Variants in CSMD3 observed in about 807,000 individuals in gnomAD.
The protein encoded by CSMD3 is CUB and Sushi multiple domains 3.
In CSMD3, 177 loss-of-function variants were observed where a neutral mutation model predicts 435.2. The ratio of observed to expected loss-of-function variants is 0.41; its 90% CI spans 0.36 to 0.46. CSMD3 has a LOEUF of 0.46. CSMD3 is among the 20% of genes least tolerant of loss of function. CSMD3 has a pLI of 0.34. For missense variants in CSMD3, 4,265 were observed against 4,504.6 expected (o/e 0.95, Z 1.52); for synonymous variants, 1,656 against 1,520.5 (o/e 1.09, Z -2.07).
rs1258489181 is a variant in CSMD3, at chr8:112,740,306, T to A, written c.1973-50256A>T. On this transcript the variant is annotated intron_variant, in intron 13 of 70. Coordinates refer to ENST00000297405, the MANE Select transcript of CSMD3 (RefSeq NM_198123.2). ...TTACAACCTCTTGGCCATGTTTTGA[T>A]GAAGACCTAAAAATAATAAAAAATA... Among the ~76,000 whole-genome samples the A allele has an allele frequency of 1.3e-5, 2 of 151,840 alleles. 1 individual carries two copies. The highest frequency in any genetic ancestry group is 4.8e-5 in the African/African-American group (2 of 41,404).
At chr8:112,967,165 A>T (rs573641139) in intron 7 of CSMD3, among the ~76,000 whole-genome samples, 1 of 106,584 alleles carries the variant, frequency 9.4e-6, no homozygotes, top group South Asian at 3.5e-4. Context: ...GTACTATAAG[A>T]CCTATACTCC....
chr8:112,589,650 G>A (rs574523167), intron 22 of CSMD3, among the ~76,000 whole-genome samples: 2 of 152,206 alleles, frequency 1.3e-5, no homozygotes, highest in African/African-American at 2.4e-5. Context: ...ATAAGTGTTG[G>A]CAAACTGTGA....
At chr8:113,291,314 T>G (rs2093684861) in intron 2 of CSMD3, among the ~76,000 whole-genome samples, 1 of 151,768 alleles carries the variant, frequency 6.6e-6, no homozygotes, top group East Asian at 1.9e-4. Flanking sequence ...TAAAACAGAG[T>G]GATTAGATTA....
intron 31 of CSMD3, among the ~76,000 whole-genome samples, chr8:112,478,461 A>T (rs1819289361): frequency 6.6e-6 from 1 of 152,196 alleles, no homozygotes; most frequent in South Asian, 2.1e-4. Flanking sequence ...AGTCATTGGG[A>T]ATTGGAGCAA....
In CSMD3 at chr8:113,350,185, G is replaced by A. The variant is rs551673440; in HGVS notation, c.179-35392C>T. Among the ~76,000 whole-genome samples, 28 of 152,108 alleles carry A rather than the reference G, an allele frequency of 1.8e-4. No homozygotes were observed. In the South Asian group the frequency reaches 5.6e-3, roughly 30 times the overall value. On this transcript the variant is annotated intron_variant, in intron 1 of 70. Coordinates refer to ENST00000297405, the MANE Select transcript of CSMD3 (RefSeq NM_198123.2). ...GAGTGACCCCCGACAACATCATACGGAGGAGAAGATCCACCCAGCTAAGCC... is the reference window on the plus strand; with the variant it reads ...GAGTGACCCCCGACAACATCATACGAAGGAGAAGATCCACCCAGCTAAGCC...
chr8:113,239,022 T>C (rs925723656), intron 3 of CSMD3, among the ~76,000 whole-genome samples: 3 of 152,150 alleles, frequency 2.0e-5, no homozygotes, highest in African/African-American at 7.2e-5. Context: ...CCTCATCCAA[T>C]CTGTTGAACA....
intron 16 of CSMD3, among the ~76,000 whole-genome samples, chr8:112,677,932 C>T (rs57897007): frequency 0.15 from 23,171 of 152,002 alleles, 2,053 homozygotes; most frequent in Middle Eastern, 0.32. Context: ...TTGATTGTGG[C>T]TCTTTTCTAA....
chr8:113,090,436 T>C (rs2089965023), intron 5 of CSMD3, among the ~76,000 whole-genome samples: 3 of 152,174 alleles, frequency 2.0e-5, no homozygotes, highest in Admixed American at 6.6e-5. Flanking sequence ...ATAAGATAAG[T>C]TCTCAATTAT....
intron 4 of CSMD3, among the ~76,000 whole-genome samples, chr8:113,153,130 A>AGAGAGAAAGAAG (rs2091858997): frequency 2.1e-4 from 17 of 82,766 alleles, no homozygotes; most frequent in Admixed American, 6.6e-4. Context: ...AGAAAGAGAA[A>AGAGAGAAAGAAG]GAAGGAAGGA....
chr8:113,048,071 G>A (rs1326262392), intron 5 of CSMD3, among the ~76,000 whole-genome samples: 1 of 147,408 alleles, frequency 6.8e-6, no homozygotes, highest in African/African-American at 2.5e-5. Context: ...ATAGTTTGAT[G>A]TAACTTCAAT....
intron 3 of CSMD3, among the ~76,000 whole-genome samples, chr8:113,277,511 A>G (rs950874117): frequency 5.9e-5 from 9 of 151,998 alleles, no homozygotes; most frequent in Admixed American, 2.6e-4. Flanking sequence ...AGTTTAAGAC[A>G]TTCCCTTACA....
At chr8:113,000,113 T>C (rs1240263913) in intron 6 of CSMD3, among the ~76,000 whole-genome samples, 1 of 151,640 alleles carries the variant, frequency 6.6e-6, no homozygotes, top group African/African-American at 2.4e-5. Flanking sequence ...GAGGAGAAAA[T>C]GACAAAGGAG....
intron 28 of CSMD3, among the ~76,000 whole-genome samples, chr8:112,513,420 G>T (rs1451079106): frequency 6.6e-6 from 1 of 152,192 alleles, no homozygotes; most frequent in African/African-American, 2.4e-5. Flanking sequence ...TGGAGGAACA[G>T]TCAGTTAGGG....
chr8:113,197,685 T>C (rs2092673600), intron 3 of CSMD3, among the ~76,000 whole-genome samples: 1 of 151,298 alleles, frequency 6.6e-6, no homozygotes, highest in African/African-American at 2.4e-5. Context: ...AGCTTTTCTA[T>C]AGAAAATACA....
intron 6 of CSMD3, among the ~76,000 whole-genome samples, chr8:113,017,116 C>T (rs1169006096): frequency 6.6e-6 from 1 of 151,934 alleles, no homozygotes; most frequent in Non-Finnish European, 1.5e-5. Flanking sequence ...AATCCCATCC[C>T]TCTTTTGAGT....
intron 10 of CSMD3, among the ~76,000 whole-genome samples, chr8:112,915,656 T>G (rs543835846): frequency 7.4e-4 from 112 of 151,894 alleles, no homozygotes; most frequent in African/African-American, 2.7e-3. Flanking sequence ...AAAGGTAGAT[T>G]TTAATGGTAA....
At chr8:112,907,177 G>T (rs1229653110) in intron 10 of CSMD3, among the ~76,000 whole-genome samples, 1 of 151,438 alleles carries the variant, frequency 6.6e-6, no homozygotes, top group Admixed American at 6.6e-5. Flanking sequence ...TTAGGGTTTA[G>T]GTGGCACAGA....
At position 113,123,678 on chromosome 8, in the gene CSMD3, G is replaced by C. The variant is rs574156861; in HGVS notation, c.710-24715C>G. Among the ~76,000 whole-genome samples the C allele has an allele frequency of 5.3e-5, 8 of 152,090 alleles. No individual in the cohort carries two copies. The South Asian group carries it at 1.7e-3, about 32-fold the overall frequency. On this transcript the variant is annotated intron_variant, in intron 4 of 70. Transcript: ENST00000297405. The stretch of plus-strand genomic sequence containing the variant: ...TCTAGTCCTGAGCATCAGGAATAAA[G>C]AGAGAGCACTGTGTTGCTGAATCCT...
intron 32 of CSMD3, among the ~76,000 whole-genome samples, chr8:112,410,594 ATATATATGTG>A (rs1832264773): frequency 1.9e-5 from 2 of 107,564 alleles, no homozygotes; most frequent in African/African-American, 7.0e-5. Context: ...ACATATGTAT[ATATATATGTG>A]TATATATATA....
Sources: gnomAD v4.1 joint callset for allele counts (sites outside exome capture counted in the v4.1 genomes callset) on GRCh38, gnomAD v4.1.1 for gene constraint, MANE v1.5 for transcripts, NCBI Gene and HGNC (gene_info 2026-07-23, HGNC 2026-07-21) for gene names.